Variants in NRXN3 observed in about 807,000 individuals in gnomAD.
NRXN3 encodes the protein neurexin III.
NRXN3 carries 32 observed loss-of-function variants against 137.6 expected under a neutral mutation model. The observed-to-expected ratio is 0.23, with a 90% CI of 0.18 to 0.31. The LOEUF is 0.31. Ranked by LOEUF, NRXN3 falls within the 10% of genes least tolerant of loss-of-function variation. NRXN3 has a pLI of 1.00. For synonymous variants in NRXN3, 798 were observed against 784.5 expected (o/e 1.02, Z -0.29); for missense variants, 1,574 against 2,062.5 (o/e 0.76, Z 4.59).
At chr14:78,737,589 G>C (rs536378560) in intron 8 of NRXN3, among the ~76,000 whole-genome samples, 202 of 152,226 alleles carry the variant, frequency 1.3e-3, no homozygotes, top group African/African-American at 4.7e-3. Flanking sequence ...CTCAGGTGGA[G>C]GAGGGATAGA....
At chr14:79,461,863 A>G (rs1429579586) in intron 15 of NRXN3, among the ~76,000 whole-genome samples, 1 of 152,206 alleles carries the variant, frequency 6.6e-6, no homozygotes, top group Non-Finnish European at 1.5e-5. Context: ...ACCTGAAATG[A>G]TAGAGGAAGA....
intron 15 of NRXN3, among the ~76,000 whole-genome samples, chr14:79,032,707 T>C (rs1426316612): frequency 6.6e-6 from 1 of 152,182 alleles, no homozygotes; most frequent in Admixed American, 6.6e-5. Flanking sequence ...AGCAATACAT[T>C]GGTTAAAACT....
intron 15 of NRXN3, among the ~76,000 whole-genome samples, chr14:79,222,452 G>A (rs1220976375): frequency 6.6e-6 from 1 of 152,084 alleles, no homozygotes; most frequent in African/African-American, 2.4e-5. Flanking sequence ...TTGGTTTTAA[G>A]TTTGGGCAAT....
chr14:79,341,510 A>G (rs1007994056), intron 15 of NRXN3, among the ~76,000 whole-genome samples: 4 of 152,190 alleles, frequency 2.6e-5, no homozygotes, highest in African/African-American at 9.6e-5. Context: ...GCAGTTTAAC[A>G]AGATCTCCGG....
intron 4 of NRXN3, among the ~76,000 whole-genome samples, chr14:78,437,661 TCA>T (rs2094118361): frequency 6.6e-6 from 1 of 152,192 alleles, no homozygotes; most frequent in Admixed American, 6.5e-5. Context: ...TGGTTTCCGA[TCA>T]CAGTTTCTAA....
chr14:79,587,078 C>T (rs1398518593), intron 16 of NRXN3, among the ~76,000 whole-genome samples: 1 of 152,164 alleles, frequency 6.6e-6, no homozygotes, highest in Non-Finnish European at 1.5e-5. Context: ...TCTACATATT[C>T]CTCTCAGAAT....
At chr14:78,532,148 T>TAAA (rs1441368897) in intron 4 of NRXN3, among the ~76,000 whole-genome samples, 4 of 45,298 alleles carry the variant, frequency 8.8e-5, no homozygotes, top group African/African-American at 2.0e-4. Flanking sequence ...TTACTAAAAA[T>TAAA]ACAAAAAAAA....
rs141850559 is a variant in NRXN3, at chr14:78,529,362, G to A, written c.758-115758G>A. On this transcript the variant is annotated intron_variant, in intron 4 of 20. Transcript: ENST00000335750. ...TGGGAAATTCAAATCCCCTGAGTTG[G>A]GTGTAAATGGTGGCAACTGTGACAA... Among the ~76,000 whole-genome samples, 10 of 152,212 alleles carry A rather than the reference G, an allele frequency of 6.6e-5. No individual in the cohort carries two copies. The East Asian group carries it at 1.7e-3, about 26-fold the overall frequency.
intron 19 of NRXN3, among the ~76,000 whole-genome samples, chr14:79,782,348 C>T (rs1022495582): frequency 1.3e-5 from 2 of 152,100 alleles, no homozygotes; most frequent in Non-Finnish European, 2.9e-5. Flanking sequence ...GGTCAAGGGA[C>T]CTGAGCTTGG....
chr14:79,016,894 G>A lies in NRXN3; in HGVS notation c.3262+28753G>A, dbSNP rs113917748. Among the ~76,000 whole-genome samples, 30 of 152,238 alleles carry A rather than the reference G, an allele frequency of 2.0e-4. 2 individuals carry two copies. The highest frequency in any genetic ancestry group is 7.2e-4 in the African/African-American group (30 of 41,554). On this transcript the variant is annotated intron_variant, in intron 15 of 20. Transcript: ENST00000335750. Reference sequence around the variant, plus strand: ...AGAGAGTAAACACAAGGAGAAAATGGCCTTGGAACCACAGAGTAGACTCCA... The same window carrying A: ...AGAGAGTAAACACAAGGAGAAAATGACCTTGGAACCACAGAGTAGACTCCA...
At chr14:78,750,116 C>T (rs2098633923) in intron 8 of NRXN3, among the ~76,000 whole-genome samples, 1 of 152,212 alleles carries the variant, frequency 6.6e-6, no homozygotes, top group South Asian at 2.1e-4. Flanking sequence ...CTAATACCAA[C>T]CATTCTAGAG....
At chr14:79,599,532 T>C (rs1353818495) in intron 16 of NRXN3, among the ~76,000 whole-genome samples, 1 of 152,232 alleles carries the variant, frequency 6.6e-6, no homozygotes, top group Non-Finnish European at 1.5e-5. Context: ...TGAATTATTA[T>C]TGGCCTTGTA....
At chr14:78,632,411 AT>A (rs34364549) in intron 4 of NRXN3, among the ~76,000 whole-genome samples, 50 of 148,382 alleles carry the variant, frequency 3.4e-4, no homozygotes, top group South Asian at 2.3e-3. Flanking sequence ...GCAAACGTGT[AT>A]TTTTTTTTTT....
chr14:78,639,139 A>G (rs1320056418), intron 4 of NRXN3, among the ~76,000 whole-genome samples: 1 of 152,218 alleles, frequency 6.6e-6, no homozygotes, highest in East Asian at 1.9e-4. Context: ...ACCACAGGCC[A>G]TCTCTTTGCC....
chr14:79,861,499 G>T lies in NRXN3; in HGVS notation c.4251G>T (p.Ser1417=). ...TGATCCGCTTCACAGCTTCCTCCTC[G>T]TCTGGGATGGTGCCCAAATTGCCAG... ...PELIRFTASS[S]SGMVPKLPAG... The change falls in exon 21 of 21, where the codon TCG becomes TCT. Residue 1417 remains serine, a synonymous_variant. Transcript: ENST00000335750. This position sits in a 1 kb window ranked among gnomAD's most constrained non-coding sequence, Gnocchi z 5.4. The T allele has an allele frequency of 6.5e-7, 1 of 1,539,238 alleles. No homozygotes were observed. The highest frequency in any genetic ancestry group is 1.2e-5 in the South Asian group (1 of 84,120).
intron 15 of NRXN3, among the ~76,000 whole-genome samples, chr14:79,090,367 T>A (rs919754824): frequency 6.6e-6 from 1 of 152,206 alleles, no homozygotes; most frequent in African/African-American, 2.4e-5. Flanking sequence ...GAGAAGAAGA[T>A]ATTATCCTGG....
intron 1 of NRXN3, among the ~76,000 whole-genome samples, chr14:78,218,354 G>A (rs568025261): frequency 1.4e-4 from 22 of 152,158 alleles, no homozygotes; most frequent in Non-Finnish European, 1.8e-4. Flanking sequence ...AGACCCTATC[G>A]CTCTCTTTTT....
intron 15 of NRXN3, among the ~76,000 whole-genome samples, chr14:79,241,263 G>A (rs2074239938): frequency 6.6e-6 from 1 of 152,124 alleles, no homozygotes; most frequent in Non-Finnish European, 1.5e-5. Context: ...TTACTATGTA[G>A]CTTAGTTTCA....
chr14:79,392,624 A>T (rs947374109), intron 15 of NRXN3, among the ~76,000 whole-genome samples: 2 of 152,168 alleles, frequency 1.3e-5, no homozygotes, highest in African/African-American at 4.8e-5. Flanking sequence ...AGAAATGCAA[A>T]TCAAAACCAC....
Sources: gnomAD v4.1 joint callset for allele counts (sites outside exome capture counted in the v4.1 genomes callset) on GRCh38, gnomAD v4.1.1 for gene constraint, Gnocchi (gnomAD v3.1) non-coding constraint, MANE v1.5 for transcripts, NCBI Gene and HGNC (gene_info 2026-07-23, HGNC 2026-07-21) for gene names.